Variants in NNT observed in about 807,000 individuals in gnomAD.
The protein encoded by NNT is nicotinamide nucleotide transhydrogenase.
A neutral mutation model predicts 104.8 loss-of-function variants in NNT; 50 were observed. The ratio of observed to expected loss-of-function variants is 0.48; its 90% CI spans 0.38 to 0.60. The LOEUF is 0.60. Ranked by LOEUF, NNT falls within the 20% of genes least tolerant of loss-of-function variation. The probability of loss-of-function intolerance (pLI) is 0.00; values close to 1 mark genes in which losing one functional copy is unlikely to be tolerated. For missense variants in NNT, 1,131 were observed against 1,330.7 expected, an observed-to-expected ratio of 0.85 and a Z score of 2.33; for synonymous variants, 461 against 490.4, an observed-to-expected ratio of 0.94 and a Z score of 0.79.
At chr5:43,681,916 CAAGTA>C (rs1741740309) in intron 19 of NNT, among the ~76,000 whole-genome samples, 1 of 152,118 alleles carries the variant, frequency 6.6e-6, no homozygotes, top group Non-Finnish European at 1.5e-5. Flanking sequence ...TATGCTAAGA[CAAGTA>C]GAGTAGTAGT....
chr5:43,626,827 ATGTC>A (rs1034333298), intron 6 of NNT, among the ~76,000 whole-genome samples: 3 of 150,788 alleles, frequency 2.0e-5, no homozygotes, highest in Non-Finnish European at 4.4e-5. Context: ...TATAATATAT[ATGTC>A]TGTGTATACA....
At chr5:43,679,562 AAG>A (rs1374610021) in intron 19 of NNT, among the ~76,000 whole-genome samples, 1 of 152,216 alleles carries the variant, frequency 6.6e-6, no homozygotes, top group Non-Finnish European at 1.5e-5. Flanking sequence ...CAAAGGAAAT[AAG>A]AGAGATGGGA....
chr5:43,697,093 G>A (rs1221234685), intron 19 of NNT, among the ~76,000 whole-genome samples: 1 of 152,164 alleles, frequency 6.6e-6, no homozygotes, highest in Non-Finnish European at 1.5e-5. Flanking sequence ...CTATCACATT[G>A]TCAGGCTGCA....
At chr5:43,699,081 A>G (rs1370728538) in intron 19 of NNT, among the ~76,000 whole-genome samples, 1 of 152,054 alleles carries the variant, frequency 6.6e-6, no homozygotes, top group Non-Finnish European at 1.5e-5. Flanking sequence ...CACTGTTCTT[A>G]GTACTGTGGA....
chr5:43,680,144 T>C (rs1384995859), intron 19 of NNT, among the ~76,000 whole-genome samples: 1 of 151,928 alleles, frequency 6.6e-6, no homozygotes, highest in Non-Finnish European at 1.5e-5. Flanking sequence ...TCTGTGTGAA[T>C]TTTTTTTATT....
intron 6 of NNT, among the ~76,000 whole-genome samples, chr5:43,627,212 A>T (rs2111681196): frequency 6.6e-6 from 1 of 152,266 alleles, no homozygotes; most frequent in South Asian, 2.1e-4. Context: ...GGGCTACCAG[A>T]TTCCTTGCTC....
At chr5:43,612,854 TTTTG>T (rs1165056529) in intron 2 of NNT, 50 bp from the exon 3 acceptor site, 5 of 1,315,892 alleles carry the variant, frequency 3.8e-6, no homozygotes, top group African/African-American at 1.5e-5. Context: ...TTTAAACATT[TTTTG>T]TTTGTTTTTT....
chr5:43,686,128 G>C (rs1197699810), intron 19 of NNT, among the ~76,000 whole-genome samples: 1 of 151,830 alleles, frequency 6.6e-6, no homozygotes, highest in East Asian at 1.9e-4. Context: ...AACTGTGCCT[G>C]GGTCTATTCT....
chr5:43,625,377 A>G (rs1257330976), intron 6 of NNT, among the ~76,000 whole-genome samples: 2 of 152,162 alleles, frequency 1.3e-5, no homozygotes, highest in Non-Finnish European at 2.9e-5. Context: ...ATTTTTCTTT[A>G]TAATTTATTA....
chr5:43,641,972 A>C (rs1248068635), intron 7 of NNT, among the ~76,000 whole-genome samples: 2 of 152,212 alleles, frequency 1.3e-5, no homozygotes, highest in Non-Finnish European at 1.5e-5. Context: ...TAGGGAGCCT[A>C]AAAATGGTTT....
chr5:43,662,791 G>A (rs1294960768), intron 17 of NNT, among the ~76,000 whole-genome samples: 1 of 151,946 alleles, frequency 6.6e-6, no homozygotes, highest in African/African-American at 2.4e-5. Flanking sequence ...TACTTGGGGG[G>A]CTGAGGCAGG....
At chr5:43,665,407 G>C (rs1045672067) in intron 17 of NNT, among the ~76,000 whole-genome samples, 2 of 151,840 alleles carry the variant, frequency 1.3e-5, no homozygotes, top group Admixed American at 6.6e-5. Flanking sequence ...GTGTCCCTGG[G>C]TACTTGAGAT....
chr5:43,659,303 G>A lies in NNT; in HGVS notation c.2587G>A (p.Ala863Thr). 1.2e-6 allele frequency: 2 copies of A among 1,613,900 alleles called. No homozygotes were observed. Among genetic ancestry groups the A allele is most frequent in the Non-Finnish European group, 1.7e-6 (2 of 1,179,956 alleles). Reference protein sequence around the residue: ...LNNNLLTIVGALIGSSGAILS... With the variant: ...LNNNLLTIVGTLIGSSGAILS... ...CAACAATCTGCTGACCATCGTGGGT[G>A]CACTCATAGGCTCGTCTGGTGCTAT... The change falls in exon 17 of 22, where the codon GCA becomes ACA. Residue 863 changes from alanine to threonine, a missense_variant. By Grantham distance (58) the Ala-to-Thr change is moderately conservative (BLOSUM62 0). Coordinates refer to ENST00000344920, the MANE Select transcript of NNT (RefSeq NM_182977.3).
At chr5:43,612,585 T>A (rs775674165) in intron 2 of NNT, among the ~76,000 whole-genome samples, 3 of 152,038 alleles carry the variant, frequency 2.0e-5, no homozygotes, top group Non-Finnish European at 2.9e-5. Flanking sequence ...AAGAATGGAG[T>A]CAGCATGTGG....
chr5:43,703,523 C>G (rs182952883), intron 21 of NNT, among the ~76,000 whole-genome samples: 1 of 152,068 alleles, frequency 6.6e-6, no homozygotes, highest in Admixed American at 6.6e-5. Flanking sequence ...ACTATACTAA[C>G]GCTATAAGAA....
rs527413203 is a variant in NNT at position 43,606,053 on chromosome 5, C to A, written c.-54+2759C>A. The stretch of plus-strand genomic sequence containing the variant: ...CTAGAGACTAAAATGGCCTTTGAAA[C>A]CTGTGCTTTTTTTATAGTTGAGCTA... On this transcript the variant is annotated intron_variant, in intron 1 of 21. Coordinates refer to ENST00000344920, the MANE Select transcript of NNT (RefSeq NM_182977.3). Among the ~76,000 whole-genome samples the A allele has an allele frequency of 2.6e-5, 4 of 152,244 alleles. 1 individual carries two copies. In the East Asian group the frequency reaches 5.8e-4, roughly 22 times the overall value.
intron 17 of NNT, chr5:43,667,252 G>A (rs954705791): frequency 3.5e-5 from 30 of 850,644 alleles, no homozygotes; most frequent in Middle Eastern, 3.3e-4. Context: ...TTAAGCTGCC[G>A]GTCCCGAAGT....
At position 43,641,386 on chromosome 5, in the gene NNT, C is replaced by T. The variant is rs186907346; in HGVS notation, c.965-2806C>T. Among the ~76,000 whole-genome samples the T allele has an allele frequency of 1.6e-4, 24 of 152,176 alleles. No individual in the cohort carries two copies. In the East Asian group the frequency reaches 4.6e-3, roughly 29 times the overall value. On this transcript the variant is annotated intron_variant, in intron 7 of 21. Coordinates refer to ENST00000344920, the MANE Select transcript of NNT (RefSeq NM_182977.3). ...GTGCTTGAAGGCAGCTGCACTGTTA[C>T]ATTCATGACTGTATTCCCTGTAGCC...
At chr5:43,699,634 A>C (rs978568435) in intron 19 of NNT, among the ~76,000 whole-genome samples, 1 of 152,158 alleles carries the variant, frequency 6.6e-6, no homozygotes, top group Non-Finnish European at 1.5e-5. Flanking sequence ...GATTACAGGC[A>C]TTAGCCACCA....
Sources: allele counts gnomAD v4.1 joint callset (sites outside exome capture counted in the v4.1 genomes callset), GRCh38; gene constraint gnomAD v4.1.1; transcripts MANE v1.5; gene names NCBI Gene and HGNC (gene_info 2026-07-23, HGNC 2026-07-21).